Variants in ZNF804A observed in about 807,000 individuals in gnomAD.
ZNF804A encodes zinc finger protein 804A.
In ZNF804A, 2 loss-of-function variants were observed where a neutral mutation model predicts 16.5. The observed-to-expected ratio is 0.12, with a 90% CI of 0.05 to 0.38. The LOEUF (loss-of-function observed/expected upper bound fraction) is 0.38. ZNF804A is among the 10% of genes least tolerant of loss of function. The pLI is 0.99. For synonymous variants in ZNF804A, 534 were observed against 489.6 expected (o/e 1.09, Z -1.20); for missense variants, 1,473 against 1,390.7 (o/e 1.06, Z -0.94).
At chr2:184,653,706 AT>A (rs1283102774) in intron 1 of ZNF804A, among the ~76,000 whole-genome samples, 1 of 152,180 alleles carries the variant, frequency 6.6e-6, no homozygotes, top group East Asian at 1.9e-4. Flanking sequence ...GGAGGTGAGC[AT>A]GCACAGTGCA....
intron 2 of ZNF804A, among the ~76,000 whole-genome samples, chr2:184,887,234 C>T (rs544690994): frequency 6.6e-6 from 1 of 152,180 alleles, no homozygotes; most frequent in African/African-American, 2.4e-5. Flanking sequence ...CAAGAGTCAC[C>T]TTTGCTCCAG....
At chr2:184,629,389 A>C (rs1288953462) in intron 1 of ZNF804A, among the ~76,000 whole-genome samples, 1 of 152,158 alleles carries the variant, frequency 6.6e-6, no homozygotes, top group African/African-American at 2.4e-5. Flanking sequence ...ATAAACAATG[A>C]GTTCAGGCAC....
At chr2:184,876,978 C>A (rs941759076) in intron 2 of ZNF804A, among the ~76,000 whole-genome samples, 2 of 151,946 alleles carry the variant, frequency 1.3e-5, no homozygotes, top group African/African-American at 4.8e-5. Flanking sequence ...AAAAGTCCTA[C>A]CACGTTGAGT....
intron 1 of ZNF804A, among the ~76,000 whole-genome samples, chr2:184,822,921 A>G (rs1295189280): frequency 6.6e-6 from 1 of 152,096 alleles, no homozygotes; most frequent in Non-Finnish European, 1.5e-5. Flanking sequence ...CCATATGTGT[A>G]TGTGTATGTG....
chr2:184,735,430 C>G (rs532861544), intron 1 of ZNF804A, among the ~76,000 whole-genome samples: 12 of 151,846 alleles, frequency 7.9e-5, no homozygotes, highest in African/African-American at 2.4e-4. Context: ...CATCACACAC[C>G]GGGGCCTGTT....
intron 1 of ZNF804A, among the ~76,000 whole-genome samples, chr2:184,673,572 G>A (rs749080683): frequency 6.6e-6 from 1 of 152,148 alleles, no homozygotes; most frequent in African/African-American, 2.4e-5. Context: ...GCAGGAAAGA[G>A]GGTACAATAA....
chr2:184,728,885 G>A (rs1383307), intron 1 of ZNF804A, among the ~76,000 whole-genome samples: 21,046 of 151,588 alleles, frequency 0.14, 1,583 homozygotes, highest in Middle Eastern at 0.23. Flanking sequence ...GGTCTTATTC[G>A]CAACAACATG....
At chr2:184,640,293 T>C (rs574125451) in intron 1 of ZNF804A, among the ~76,000 whole-genome samples, 1 of 151,910 alleles carries the variant, frequency 6.6e-6, no homozygotes, top group South Asian at 2.1e-4. Context: ...TGGTAATCTT[T>C]ATTTCATAGG....
intron 1 of ZNF804A, among the ~76,000 whole-genome samples, chr2:184,851,615 C>G (rs1321114575): frequency 6.6e-6 from 1 of 152,022 alleles, no homozygotes; most frequent in African/African-American, 2.4e-5. Context: ...GATTCCATAC[C>G]TTTGCTACTG....
chr2:184,676,523 TGAA>T (rs1559123694), intron 1 of ZNF804A, among the ~76,000 whole-genome samples: 1 of 151,654 alleles, frequency 6.6e-6, no homozygotes, highest in Admixed American at 6.6e-5. Context: ...AACAAATTGA[TGAA>T]GACATTATTA....
intron 2 of ZNF804A, among the ~76,000 whole-genome samples, chr2:184,931,507 G>A (rs1483580408): frequency 6.6e-6 from 1 of 152,158 alleles, no homozygotes; most frequent in African/African-American, 2.4e-5. Context: ...GCTGTACATT[G>A]GCCCTTTTTA....
rs772365402 is a variant in ZNF804A, at chr2:184,936,724, T to G, written c.1328T>G (p.Met443Arg). The G allele has an allele frequency of 6.2e-7, 1 of 1,613,766 alleles. No individual in the cohort carries two copies. The highest frequency in any genetic ancestry group is 8.5e-7 in the Non-Finnish European group (1 of 1,179,876). ...ACAGTTCTTCAGTGGCCATCAGAAATGCTGGTTTATACAACTACGAAACCA... is the reference window on the plus strand; with the variant it reads ...ACAGTTCTTCAGTGGCCATCAGAAAGGCTGGTTTATACAACTACGAAACCA... Reference protein sequence around the residue: ...RSTVLQWPSEMLVYTTTKPSI... With the variant: ...RSTVLQWPSERLVYTTTKPSI... Residue 443 changes from methionine (M) to arginine (R), a missense_variant, in exon 4 of 4, where the codon ATG becomes AGG. Met to Arg is a moderately conservative substitution (Grantham distance 91). Transcript: ENST00000302277.
intron 2 of ZNF804A, among the ~76,000 whole-genome samples, chr2:184,905,093 CTGTGTGTGTGTG>C (rs59253076): frequency 6.7e-6 from 1 of 150,274 alleles, no homozygotes; most frequent in African/African-American, 2.4e-5. Context: ...ATTAGAGTGT[CTGTGTGTGTGTG>C]TGTGTGTGTC....
intron 2 of ZNF804A, among the ~76,000 whole-genome samples, chr2:184,924,080 G>A (rs1574272792): frequency 1.3e-5 from 2 of 150,878 alleles, no homozygotes; most frequent in South Asian, 2.1e-4. Context: ...AGGGCAATAC[G>A]GTCTTATAGG....
intron 1 of ZNF804A, among the ~76,000 whole-genome samples, chr2:184,855,443 C>G (rs1695671093): frequency 6.6e-6 from 1 of 151,968 alleles, no homozygotes; most frequent in Admixed American, 6.6e-5. Context: ...AATTTTTCTT[C>G]TCCTCCTCCA....
chr2:184,887,055 T>C (rs987000008), intron 2 of ZNF804A, among the ~76,000 whole-genome samples: 2 of 152,218 alleles, frequency 1.3e-5, no homozygotes, highest in African/African-American at 4.8e-5. Flanking sequence ...TATTCTCTGC[T>C]TCCCTTATAA....
intron 1 of ZNF804A, among the ~76,000 whole-genome samples, chr2:184,650,924 A>G (rs955467307): frequency 5.9e-5 from 9 of 152,194 alleles, no homozygotes; most frequent in African/African-American, 2.2e-4. Context: ...CATTTTTCAC[A>G]AAACTAGAAA....
At chr2:184,764,377 C>T (rs962890799) in intron 1 of ZNF804A, among the ~76,000 whole-genome samples, 65 of 152,052 alleles carry the variant, frequency 4.3e-4, no homozygotes, top group African/African-American at 1.5e-3. Flanking sequence ...AAACCAAACA[C>T]GTTTCAGTAT....
chr2:184,809,028 T>A (rs1173533136), intron 1 of ZNF804A, among the ~76,000 whole-genome samples: 2 of 151,806 alleles, frequency 1.3e-5, no homozygotes, highest in African/African-American at 4.8e-5. Context: ...AGAGATCTAA[T>A]GAAAAATTTT....
Sources: gnomAD v4.1 joint callset for allele counts (sites outside exome capture counted in the v4.1 genomes callset) on GRCh38, gnomAD v4.1.1 for gene constraint, MANE v1.5 for transcripts, NCBI Gene and HGNC (gene_info 2026-07-23, HGNC 2026-07-21) for gene names.